The following GPR158 variants were observed in gnomAD, a reference collection of about 807,000 sequenced individuals.
GPR158 encodes the protein metabotropic glycine receptor.
A neutral mutation model predicts 78.2 loss-of-function variants in GPR158; 30 were observed. The observed-to-expected ratio is 0.38, with a 90% confidence interval of 0.29 to 0.52. The LOEUF (loss-of-function observed/expected upper bound fraction) is 0.52. GPR158 is among the 20% of genes least tolerant of loss of function. GPR158 has a pLI of 0.83. For synonymous variants in GPR158, 581 were observed against 591.1 expected (o/e 0.98, Z 0.25); for missense variants, 1,463 against 1,523.5 (o/e 0.96, Z 0.66).
chr10:25,279,883 A>G (rs1419392014), intron 2 of GPR158, among the ~76,000 whole-genome samples: 2 of 152,090 alleles, frequency 1.3e-5, no homozygotes, highest in Non-Finnish European at 2.9e-5. Flanking sequence ...GTTTGGATCC[A>G]TGATCCTAAC....
chr10:25,340,202 C>T (rs1054084245), intron 2 of GPR158, among the ~76,000 whole-genome samples: 5 of 152,040 alleles, frequency 3.3e-5, no homozygotes. Context: ...GGTTGCTCTC[C>T]AAAGCCTTTA....
intron 4 of GPR158, among the ~76,000 whole-genome samples, chr10:25,458,206 CTTAGAAG>C (rs759767619): frequency 2.7e-4 from 41 of 152,034 alleles, no homozygotes; most frequent in Non-Finnish European, 5.7e-4. Flanking sequence ...CTTATGAAGT[CTTAGAAG>C]TTAGAAAGAA....
chr10:25,463,962 A>G (rs1214719863), intron 4 of GPR158, among the ~76,000 whole-genome samples: 3 of 152,174 alleles, frequency 2.0e-5, no homozygotes, highest in Non-Finnish European at 2.9e-5. Context: ...AATCTCACCT[A>G]TTAGGTTCCT....
chr10:25,593,533 G>A lies in GPR158; in HGVS notation c.1893-759G>A, dbSNP rs559079396. On this transcript the variant is annotated intron_variant, in intron 8 of 10. Transcript: ENST00000376351. ...TATGAAAGCAACCCCTGGTTTCTGC[G>A]TAAGGATGCATCCTTAAAACATGAA... 1.1e-4 allele frequency among the ~76,000 whole-genome samples: 16 copies of A among 152,052 alleles called. No homozygotes were observed. In the East Asian group the frequency reaches 1.5e-3, roughly 15 times the overall value.
rs938139145 is a variant in GPR158 at position 25,571,094 on chromosome 10, C to T, written c.1515-1555C>T. 1.8e-4 allele frequency among the ~76,000 whole-genome samples: 16 copies of T among 89,928 alleles called. No homozygotes were observed. The African/African-American group carries it at 3.0e-3, about 17-fold the overall frequency. 59.0% of individuals were successfully genotyped at this position (89,928 alleles called of 152,430 possible). On this transcript the variant is annotated intron_variant, in intron 6 of 10. Transcript: ENST00000376351. ...TTAGGCATAGTGAAGATATTACCTG[C>T]CAGTGTTAGCGTTCGCCAGTGTTAG... is the stretch of plus-strand genomic sequence containing the variant.
intron 1 of GPR158, among the ~76,000 whole-genome samples, chr10:25,214,144 G>A (rs1187909038): frequency 1.3e-5 from 2 of 151,858 alleles, no homozygotes; most frequent in South Asian, 2.1e-4. Flanking sequence ...ACAGGCGCCC[G>A]ACACCACGCC....
At chr10:25,253,046 C>T (rs373790998) in intron 2 of GPR158, among the ~76,000 whole-genome samples, 2 of 152,120 alleles carry the variant, frequency 1.3e-5, no homozygotes, top group African/African-American at 4.8e-5. Flanking sequence ...GTCTGAAAAG[C>T]GCAATATTCG....
At chr10:25,425,944 A>G (rs1433900043) in intron 4 of GPR158, among the ~76,000 whole-genome samples, 1 of 151,984 alleles carries the variant, frequency 6.6e-6, no homozygotes, top group East Asian at 1.9e-4. Context: ...TCCTATCTAC[A>G]TGTTATTTTA....
chr10:25,433,571 G>GTGTGCA (rs1564454635), intron 4 of GPR158, among the ~76,000 whole-genome samples: 9 of 53,074 alleles, frequency 1.7e-4, no homozygotes, highest in South Asian at 6.0e-4. Flanking sequence ...GTGTGTGTGT[G>GTGTGCA]CGCGCGCGCG....
intron 5 of GPR158, among the ~76,000 whole-genome samples, chr10:25,473,369 G>C (rs1835536424): frequency 6.6e-6 from 1 of 152,086 alleles, no homozygotes; most frequent in African/African-American, 2.4e-5. Flanking sequence ...GTATTTTATT[G>C]AGGATTTTTG....
intron 4 of GPR158, among the ~76,000 whole-genome samples, chr10:25,431,953 GTAAC>G (rs1417404202): frequency 6.6e-6 from 1 of 151,826 alleles, no homozygotes; most frequent in Non-Finnish European, 1.5e-5. Flanking sequence ...GTATACATAT[GTAAC>G]TAACCTGCAC....
chr10:25,575,583 C>CTAAAG (rs1255246742), intron 7 of GPR158, among the ~76,000 whole-genome samples: 3 of 152,202 alleles, frequency 2.0e-5, no homozygotes, highest in Non-Finnish European at 4.4e-5. Context: ...TCATATTACT[C>CTAAAG]TAAAGTACAG....
At chr10:25,416,432 C>T (rs1834661039) in intron 4 of GPR158, among the ~76,000 whole-genome samples, 1 of 152,048 alleles carries the variant, frequency 6.6e-6, no homozygotes, top group African/African-American at 2.4e-5. Context: ...GCAAACAAAA[C>T]TCAGTTTATT....
At chr10:25,513,686 T>C (rs949408162) in intron 5 of GPR158, among the ~76,000 whole-genome samples, 1 of 152,178 alleles carries the variant, frequency 6.6e-6, no homozygotes, top group South Asian at 2.1e-4. Flanking sequence ...ACATTGCTTT[T>C]GCTGTATCCC....
intron 5 of GPR158, among the ~76,000 whole-genome samples, chr10:25,503,962 C>T (rs1342350777): frequency 6.6e-6 from 1 of 151,450 alleles, no homozygotes; most frequent in East Asian, 1.9e-4. Context: ...GTGACCTTGG[C>T]TCACTGCAAT....
intron 3 of GPR158, among the ~76,000 whole-genome samples, chr10:25,405,853 A>G (rs1049859584): frequency 2.0e-5 from 3 of 152,080 alleles, no homozygotes; most frequent in Admixed American, 6.6e-5. Flanking sequence ...ATGTAAAGGA[A>G]AGCCTTTAAC....
intron 5 of GPR158, among the ~76,000 whole-genome samples, chr10:25,523,051 T>C (rs769483441): frequency 4.0e-4 from 61 of 152,290 alleles, no homozygotes; most frequent in Admixed American, 7.2e-4. Flanking sequence ...CAAGCCGAAA[T>C]GGAAGAAACA....
chr10:25,506,044 C>T (rs562540044), intron 5 of GPR158, among the ~76,000 whole-genome samples: 1 of 152,188 alleles, frequency 6.6e-6, no homozygotes, highest in Non-Finnish European at 1.5e-5. Flanking sequence ...ACATTTTAAG[C>T]AATCAATCAA....
At chr10:25,491,317 A>G (rs1007488551) in intron 5 of GPR158, among the ~76,000 whole-genome samples, 5 of 152,204 alleles carry the variant, frequency 3.3e-5, no homozygotes, top group African/African-American at 1.2e-4. Context: ...GTAAAAAGCA[A>G]TTACACCCTA....
Sources: gnomAD v4.1 joint callset for allele counts (sites outside exome capture counted in the v4.1 genomes callset) on GRCh38, gnomAD v4.1.1 for gene constraint, MANE v1.5 for transcripts, NCBI Gene and HGNC (gene_info 2026-07-23, HGNC 2026-07-21) for gene names.